The following RAB11FIP4 variants were observed in gnomAD, a reference collection of about 807,000 sequenced individuals.
RAB11FIP4 encodes RAB11 family interacting protein 4, also known as rab11 family-interacting protein 4.
In RAB11FIP4, 23 loss-of-function variants were observed where a neutral mutation model predicts 74.3. The observed-to-expected ratio is 0.31, with a 90% CI of 0.22 to 0.44. The LOEUF is 0.44. Ranked by LOEUF, RAB11FIP4 falls within the 20% of genes least tolerant of loss-of-function variation. The probability of loss-of-function intolerance (pLI) is 1.00; values close to 1 mark genes in which losing one functional copy is unlikely to be tolerated. For synonymous variants in RAB11FIP4, 360 were observed against 359.9 expected (o/e 1.00, Z 0.00); for missense variants, 630 against 863.9 (o/e 0.73, Z 3.39).
Position 31,537,569 on chromosome 17 carries a change from ACCGCAG to A in RAB11FIP4, c.*5842_*5847del, listed in dbSNP as rs2072986936. The A allele has an allele frequency of 5.4e-6, 1 of 185,234 alleles. No homozygotes were observed. Among genetic ancestry groups the A allele is most frequent in the Non-Finnish European group, 1.1e-5 (1 of 89,640 alleles). The allele number at this position is 185,234 out of a possible 1,614,324, so 11.5% of individuals were successfully genotyped here. A position where few individuals can be genotyped will look rare whatever the true frequency, so the allele number is the denominator to read the frequency against. On this transcript the variant is annotated 3_prime_UTR_variant, in exon 15 of 15. Coordinates refer to ENST00000621161, the MANE Select transcript of RAB11FIP4 (RefSeq NM_032932.6). Reference sequence around the variant, plus strand: ...TTGGCCCCAGCAGGGATATCATGGGACCGCAGCCGCTCCGTGCACTGTCTCTGCCCC... The same window carrying A: ...TTGGCCCCAGCAGGGATATCATGGGACCGCTCCGTGCACTGTCTCTGCCCC...
At chr17:31,397,397 C>T (rs564447369) in intron 1 of RAB11FIP4, among the ~76,000 whole-genome samples, 2 of 152,244 alleles carry the variant, frequency 1.3e-5, no homozygotes, top group Non-Finnish European at 2.9e-5. Flanking sequence ...TTGACAGGGG[C>T]CTGGAAGGCC....
intron 3 of RAB11FIP4, among the ~76,000 whole-genome samples, chr17:31,477,105 T>C (rs1235220579): frequency 6.6e-6 from 1 of 152,246 alleles, no homozygotes; most frequent in Non-Finnish European, 1.5e-5. Flanking sequence ...TTTGGGATAC[T>C]TCTTCATCCC....
chr17:31,507,568 T>A (rs1023632391), intron 3 of RAB11FIP4, among the ~76,000 whole-genome samples: 7 of 152,348 alleles, frequency 4.6e-5, no homozygotes, highest in African/African-American at 1.7e-4. Context: ...TTGAGTTGTT[T>A]GAGTTCCTTA....
chr17:31,522,944 GATGTCACT>G (rs2072696137), intron 7 of RAB11FIP4: 1 of 175,064 alleles, frequency 5.7e-6, no homozygotes, highest in African/African-American at 2.4e-5. Context: ...GCTGGAAGGG[GATGTCACT>G]GGGGGTGGCA....
At position 31,401,228 on chromosome 17, in the gene RAB11FIP4, C is replaced by A. The variant is rs576999721; in HGVS notation, c.159+9217C>A. Among the ~76,000 whole-genome samples, 297 of 151,650 alleles carry A rather than the reference C, an allele frequency of 2.0e-3. 1 individual carries two copies. The highest frequency in any genetic ancestry group is 6.8e-3 in the African/African-American group (280 of 41,314). On this transcript the variant is annotated intron_variant, in intron 1 of 14. Coordinates refer to ENST00000621161, the MANE Select transcript of RAB11FIP4 (RefSeq NM_032932.6). The stretch of plus-strand genomic sequence containing the variant: ...TGGAGCTTGCAGTGAGCCAAGATCA[C>A]GCCACTGCACTCCAGCCTGGGCGAC...
chr17:31,396,008 C>T (rs758769949), intron 1 of RAB11FIP4, among the ~76,000 whole-genome samples: 25 of 151,460 alleles, frequency 1.7e-4, no homozygotes, highest in Non-Finnish European at 2.9e-4. Flanking sequence ...ATGGTGAGAC[C>T]CCCCATCTCT....
chr17:31,406,690 A>G (rs1234695449), intron 1 of RAB11FIP4, among the ~76,000 whole-genome samples: 1 of 152,036 alleles, frequency 6.6e-6, no homozygotes, highest in Non-Finnish European at 1.5e-5. Flanking sequence ...AAACTGTCCT[A>G]TCGATCTTTT....
intron 3 of RAB11FIP4, among the ~76,000 whole-genome samples, chr17:31,500,372 A>G (rs559260675): frequency 1.3e-5 from 2 of 152,114 alleles, no homozygotes; most frequent in South Asian, 4.2e-4. Flanking sequence ...TCCTTCCCAC[A>G]CTGACCACAA....
At chr17:31,433,039 G>A (rs907065673) in intron 2 of RAB11FIP4, among the ~76,000 whole-genome samples, 2 of 152,186 alleles carry the variant, frequency 1.3e-5, no homozygotes, top group Non-Finnish European at 2.9e-5. Context: ...CCAGCTACCT[G>A]GGAGGCTAAG....
chr17:31,507,954 G>C (rs2072383644), intron 3 of RAB11FIP4, among the ~76,000 whole-genome samples: 1 of 152,112 alleles, frequency 6.6e-6, no homozygotes, highest in Admixed American at 6.5e-5. Context: ...AGCCTCTCAA[G>C]TAGTTGGGAC....
rs569893924 is a variant in RAB11FIP4 at position 31,536,855 on chromosome 17, A to G, written c.*5123A>G. On this transcript the variant is annotated 3_prime_UTR_variant, in exon 15 of 15. Transcript: ENST00000621161. ...CTGCCTTCTAGAAAGATTTGTTTCT[A>G]AAAGCGTAGACCCTGGGGAAGTATA... The G allele has an allele frequency of 3.0e-5, 12 of 397,630 alleles. No homozygotes were observed. Among genetic ancestry groups the G allele is most frequent in the Middle Eastern group, 6.3e-4 (1 of 1,586 alleles). The allele number at this position is 397,630 out of a possible 1,614,324, so 24.6% of individuals were successfully genotyped here.
At chr17:31,402,847 G>A (rs186337099) in intron 1 of RAB11FIP4, among the ~76,000 whole-genome samples, 52 of 151,732 alleles carry the variant, frequency 3.4e-4, no homozygotes, top group South Asian at 2.3e-3. Context: ...GGATGGTCTC[G>A]ATCTCCTGAC....
chr17:31,492,103 G>A (rs573587243), intron 3 of RAB11FIP4, among the ~76,000 whole-genome samples: 6 of 152,108 alleles, frequency 3.9e-5, no homozygotes, highest in Non-Finnish European at 8.8e-5. Context: ...GGCTCATAAA[G>A]CAGCCAGCAG....
chr17:31,516,545 C>CAGTGG (rs2072550625), intron 3 of RAB11FIP4, among the ~76,000 whole-genome samples: 1 of 152,254 alleles, frequency 6.6e-6, no homozygotes, highest in African/African-American at 2.4e-5. Context: ...TCTTGGCTCA[C>CAGTGG]CGCAAGCTCC....
chr17:31,464,749 CTTTTTTTTTTTTTTTTTT>C (rs58083480), intron 3 of RAB11FIP4, among the ~76,000 whole-genome samples: 1 of 39,636 alleles, frequency 2.5e-5, no homozygotes, highest in Non-Finnish European at 4.2e-5. Context: ...CTGTGCCCGG[CTTTTTTTTTTTTTTTTTT>C]TTTTTTTTTT....
At chr17:31,486,480 TTGTCCAAGCTGGCC>T (rs1418896223) in intron 3 of RAB11FIP4, among the ~76,000 whole-genome samples, 1 of 152,146 alleles carries the variant, frequency 6.6e-6, no homozygotes, top group Non-Finnish European at 1.5e-5. Flanking sequence ...CCTTGCTGTG[TTGTCCAAGCTGGCC>T]TCAAATACCT....
chr17:31,528,308 C>T (rs2072803416), intron 11 of RAB11FIP4, 98 bp from the exon 12 acceptor site: 2 of 1,390,602 alleles, frequency 1.4e-6, no homozygotes, highest in Non-Finnish European at 1.9e-6. Context: ...TGTGCATCTG[C>T]CTCGTGAAGA....
rs114573967 is a variant in RAB11FIP4, at chr17:31,410,639, G to T, written c.159+18628G>T. ...GGGCTGAAGGGGGCGGGGGCATGGTGTCACACCCTTGGAGGGGCTGGGACT... is the reference window on the plus strand; with the variant it reads ...GGGCTGAAGGGGGCGGGGGCATGGTTTCACACCCTTGGAGGGGCTGGGACT... On this transcript the variant is annotated intron_variant, in intron 1 of 14. Coordinates refer to ENST00000621161, the MANE Select transcript of RAB11FIP4 (RefSeq NM_032932.6). Among the ~76,000 whole-genome samples the T allele has an allele frequency of 1.5e-3, 231 of 152,254 alleles. 2 individuals are homozygous for T. Among genetic ancestry groups the T allele is most frequent in the African/African-American group, 5.2e-3 (215 of 41,532 alleles).
At chr17:31,473,778 T>G (rs1050188155) in intron 3 of RAB11FIP4, among the ~76,000 whole-genome samples, 4 of 152,148 alleles carry the variant, frequency 2.6e-5, no homozygotes, top group African/African-American at 7.2e-5. Flanking sequence ...AACTTGACAT[T>G]TGGGTGGTAA....
Sources: gnomAD v4.1 joint callset for allele counts (sites outside exome capture counted in the v4.1 genomes callset) on GRCh38, gnomAD v4.1.1 for gene constraint, MANE v1.5 for transcripts, NCBI Gene and HGNC (gene_info 2026-07-23, HGNC 2026-07-21) for gene names.